STPG2: variants seen among roughly 807,000 people sequenced by gnomAD.
STPG2 encodes the protein sperm tail PG-rich repeat containing 2, also known as sperm-tail PG-rich repeat-containing protein 2.
A neutral mutation model predicts 54.2 loss-of-function variants in STPG2; 56 were observed. The observed-to-expected ratio is 1.03, with a 90% CI of 0.83 to 1.29. STPG2 has a LOEUF of 1.29. Among genes scored for constraint, STPG2 ranks in the 50% most tolerant of loss-of-function variants. STPG2 has a pLI of 0.00. For synonymous variants in STPG2, 200 were observed against 181.8 expected, an observed-to-expected ratio of 1.10 and a Z score of -0.81; for missense variants, 596 against 544.9, an observed-to-expected ratio of 1.09 and a Z score of -0.93.
At chr4:97,457,981 C>T (rs1306523492) in intron 4 of STPG2, among the ~76,000 whole-genome samples, 1 of 152,212 alleles carries the variant, frequency 6.6e-6, no homozygotes, top group Non-Finnish European at 1.5e-5. Flanking sequence ...AGCACATAAT[C>T]AGAGGTTCAT....
chr4:97,585,101 C>CAAAAAAAAAAAAAAAAA, intron 10 of STPG2, among the ~76,000 whole-genome samples: 1 of 46,254 alleles, frequency 2.2e-5, no homozygotes, highest in Non-Finnish European at 3.4e-5. Flanking sequence ...AAAATATTCT[C>CAAAAAAAAAAAAAAAAA]AAAAAAAAAA....
chr4:97,612,499 C>A (rs1376199340), intron 10 of STPG2, among the ~76,000 whole-genome samples: 2 of 152,052 alleles, frequency 1.3e-5, no homozygotes, highest in Non-Finnish European at 2.9e-5. Context: ...AGTTCTAAAT[C>A]TTTGGTGTCC....
Position 97,475,538 on chromosome 4 carries a change from C to T in STPG2, c.462+237161G>A, listed in dbSNP as rs939481627. On this transcript the variant is annotated intron_variant, in intron 4 of 4. Coordinates refer to the STPG2 transcript ENST00000522676. ...TATAATATATATGTACCATATTCAA[C>T]GTATGTTACATTCCATATAATATTG... Among the ~76,000 whole-genome samples, 8 of 151,196 alleles carry T rather than the reference C, an allele frequency of 5.3e-5. No homozygotes were observed. In the South Asian group the frequency reaches 6.2e-4, roughly 12 times the overall value.
At position 97,453,950 on chromosome 4, in the gene STPG2, G is replaced by C. The variant is rs148790423; in HGVS notation, c.462+258749C>G. Among the ~76,000 whole-genome samples the C allele has an allele frequency of 4.0e-4, 61 of 152,198 alleles. 1 individual carries two copies. The highest frequency in any genetic ancestry group is 1.6e-3 in the Admixed American group (24 of 15,298). On this transcript the variant is annotated intron_variant, in intron 4 of 4. Coordinates refer to the STPG2 transcript ENST00000522676. ...AAGGCTTTATGTAGAGCAGAGGAAA[G>C]AAATGAAACTCTTCCTAAGTTATTC...
intron 9 of STPG2, among the ~76,000 whole-genome samples, chr4:97,761,928 T>G (rs1305054887): frequency 6.6e-6 from 1 of 152,152 alleles, no homozygotes; most frequent in Non-Finnish European, 1.5e-5. Flanking sequence ...GTGGCTATTT[T>G]AAGTTCAGTT....
At position 97,479,095 on chromosome 4, in the gene STPG2, G is replaced by T. The variant is rs564067505; in HGVS notation, c.462+233604C>A. Among the ~76,000 whole-genome samples the T allele has an allele frequency of 1.8e-3, 273 of 151,722 alleles. 2 individuals carry two copies. Among genetic ancestry groups the T allele is most frequent in the Admixed American group, 5.6e-3 (85 of 15,254 alleles). ...AAAAACAAAAAATTTGAAACTATTA[G>T]AAGGATATACATAGCAGAATATGTG... On this transcript the variant is annotated intron_variant, in intron 4 of 4. Coordinates refer to the STPG2 transcript ENST00000522676.
chr4:98,102,840 C>T (rs1463320981), intron 5 of STPG2, among the ~76,000 whole-genome samples: 1 of 132,466 alleles, frequency 7.5e-6, no homozygotes, highest in Non-Finnish European at 1.6e-5. Context: ...TAATATATAA[C>T]AATACAACAT....
intron 8 of STPG2, among the ~76,000 whole-genome samples, chr4:97,871,194 G>T (rs1325343609): frequency 6.6e-6 from 1 of 150,458 alleles, no homozygotes; most frequent in East Asian, 1.9e-4. Flanking sequence ...TCAATTAAAG[G>T]AAATAATAAA....
intron 9 of STPG2, among the ~76,000 whole-genome samples, chr4:97,808,534 G>A (rs1020892283): frequency 6.6e-6 from 1 of 150,802 alleles, no homozygotes; most frequent in Non-Finnish European, 1.5e-5. Flanking sequence ...AATCATAAAG[G>A]CAATAAAAAC....
At chr4:97,971,198 G>A (rs891397625) in intron 7 of STPG2, among the ~76,000 whole-genome samples, 1 of 152,210 alleles carries the variant, frequency 6.6e-6, no homozygotes, top group Admixed American at 6.5e-5. Context: ...CTTTTACACT[G>A]TTGGTGGGAG....
At chr4:97,745,009 A>G (rs1421760713) in intron 9 of STPG2, among the ~76,000 whole-genome samples, 1 of 151,266 alleles carries the variant, frequency 6.6e-6, no homozygotes, top group Non-Finnish European at 1.5e-5. Context: ...TGAGATGTTC[A>G]TTTTTCTTGG....
chr4:97,722,099 A>T (rs1394782744), intron 9 of STPG2, among the ~76,000 whole-genome samples: 1 of 151,796 alleles, frequency 6.6e-6, no homozygotes, highest in East Asian at 1.9e-4. Flanking sequence ...GGAGGGGAAA[A>T]AAAAAAAAAG....
chr4:97,545,612 C>A (rs1445752666), intron 4 of STPG2, among the ~76,000 whole-genome samples: 1 of 152,012 alleles, frequency 6.6e-6, no homozygotes, highest in Non-Finnish European at 1.5e-5. Context: ...GTCTAGGACC[C>A]AGAACTGTGT....
chr4:97,879,457 G>A (rs146086625), intron 8 of STPG2, among the ~76,000 whole-genome samples: 1,998 of 152,240 alleles, frequency 0.013, 53 homozygotes, highest in African/African-American at 0.045. Context: ...GAAGGCAAAA[G>A]GCATGTCTTA....
intron 5 of STPG2, among the ~76,000 whole-genome samples, chr4:98,027,616 T>G (rs143358288): frequency 1.3e-5 from 2 of 152,090 alleles, no homozygotes. Flanking sequence ...CAGACAAACA[T>G]TTCCATTCAA....
At chr4:97,519,939 A>G (rs1731148291) in intron 4 of STPG2, among the ~76,000 whole-genome samples, 2 of 151,994 alleles carry the variant, frequency 1.3e-5, no homozygotes, top group African/African-American at 4.8e-5. Flanking sequence ...GTTTTATCTT[A>G]TTTGTTGTGT....
chr4:97,833,237 C>T (rs905115150), intron 9 of STPG2, among the ~76,000 whole-genome samples: 2 of 151,948 alleles, frequency 1.3e-5, no homozygotes, highest in Admixed American at 1.3e-4. Flanking sequence ...CTTTGATAAA[C>T]CTGACAAAAG....
chr4:97,679,785 T>C (rs1362701500), intron 10 of STPG2, among the ~76,000 whole-genome samples: 1 of 152,234 alleles, frequency 6.6e-6, no homozygotes, highest in Non-Finnish European at 1.5e-5. Context: ...CTTTAATCCA[T>C]CTTGAATGAA....
chr4:97,506,854 A>G (rs1730854872), intron 4 of STPG2, among the ~76,000 whole-genome samples: 1 of 152,078 alleles, frequency 6.6e-6, no homozygotes, highest in African/African-American at 2.4e-5. Flanking sequence ...GAAAAAAGGA[A>G]AGCAAAGACA....
Sources: gnomAD v4.1 joint callset for allele counts (sites outside exome capture counted in the v4.1 genomes callset) on GRCh38, gnomAD v4.1.1 for gene constraint, MANE v1.5 for transcripts, NCBI Gene and HGNC (gene_info 2026-07-23, HGNC 2026-07-21) for gene names.